CCDC33: variants seen among roughly 807,000 people sequenced by gnomAD.
CCDC33 encodes the protein coiled-coil domain containing 33.
Under a neutral mutation model 91.9 loss-of-function variants are expected in CCDC33, and 94 were observed. The observed-to-expected ratio is 1.02, with a 90% CI of 0.87 to 1.21. CCDC33 has a LOEUF of 1.21. CCDC33 is among the 50% of genes most tolerant of loss of function. The pLI is 0.00. For synonymous variants in CCDC33, 396 were observed against 374.5 expected (o/e 1.06, Z -0.66); for missense variants, 940 against 935.5 (o/e 1.00, Z -0.06).
intron 7 of CCDC33, among the ~76,000 whole-genome samples, chr15:74,278,351 C>G (rs1203778176): frequency 6.6e-6 from 1 of 152,246 alleles, no homozygotes; most frequent in Non-Finnish European, 1.5e-5. Flanking sequence ...TTGTGCTGAC[C>G]TTTTCGAGCA....
Position 74,335,070 on chromosome 15 carries a change from C to T in CCDC33, c.2121C>T (p.Ser707=), listed in dbSNP as rs267604319. Residue 707 remains serine, a synonymous_variant, in exon 18 of 19, where the codon TCC becomes TCT. Coordinates refer to ENST00000398814, the MANE Select transcript of CCDC33 (RefSeq NM_025055.5). ...QEKGFRHPSN[S]IIIEQPSALT... ...AAGGTTTCAGGCACCCCTCGAACTC[C>T]ATCATCATAGAACAGCCTGTGAGTG... is the stretch of plus-strand genomic sequence containing the variant. The T allele has an allele frequency of 1.2e-6, 2 of 1,613,844 alleles. No homozygotes were observed. Among genetic ancestry groups the T allele is most frequent in the Non-Finnish European group, 1.7e-6 (2 of 1,179,738 alleles).
chr15:74,270,454 G>C (rs2076283164), intron 5 of CCDC33, among the ~76,000 whole-genome samples: 2 of 152,162 alleles, frequency 1.3e-5, no homozygotes, highest in Admixed American at 6.5e-5. Context: ...AGAGGGGCTT[G>C]TGGGGTGTCG....
chr15:74,209,679 C>T (rs1009653188), intron 2 of CCDC33: 31 of 527,984 alleles, frequency 5.9e-5, no homozygotes, highest in African/African-American at 4.6e-4. Flanking sequence ...GCTGGACAGT[C>T]GGCTGCATCC....
intron 11 of CCDC33, among the ~76,000 whole-genome samples, chr15:74,305,000 G>A (rs921844252): frequency 6.6e-6 from 1 of 151,540 alleles, no homozygotes. Context: ...AGGGAGTAGT[G>A]CAATGGCGTG....
intron 1 of CCDC33, among the ~76,000 whole-genome samples, chr15:74,208,428 C>T (rs1375576304): frequency 6.6e-6 from 1 of 152,142 alleles, no homozygotes; most frequent in Non-Finnish European, 1.5e-5. Context: ...TTTGTGCTGC[C>T]CTCCTTCCTC....
rs2060432227 is a variant in CCDC33, at chr15:74,331,271, C to G, written c.1746C>G (p.Asn582Lys). The change falls in exon 15 of 19, where the codon AAC (asparagine) becomes AAG (lysine). Residue 582 changes from asparagine to lysine, a missense_variant. By Grantham distance (94) the Asn-to-Lys change is moderately conservative. Transcript: ENST00000398814. ...LQDRSKPPPL[N>K]RQQGKPYTGF... Reference sequence around the variant, plus strand: ...ACAGGAGCAAGCCCCCTCCTCTGAACAGGCAGCAGGGAAAGCCCTACACGG... The same window carrying G: ...ACAGGAGCAAGCCCCCTCCTCTGAAGAGGCAGCAGGGAAAGCCCTACACGG... The G allele has an allele frequency of 3.1e-6, 5 of 1,614,100 alleles. No homozygotes were observed. The highest frequency in any genetic ancestry group is 4.2e-6 in the Non-Finnish European group (5 of 1,179,964).
At chr15:74,298,632 C>T (rs1042638415) in intron 11 of CCDC33, among the ~76,000 whole-genome samples, 2 of 151,734 alleles carry the variant, frequency 1.3e-5, no homozygotes, top group Admixed American at 6.6e-5. Flanking sequence ...ATCCGCCTCC[C>T]GGGTTCAAGA....
upstream of CCDC33, among the ~76,000 whole-genome samples, chr15:74,232,280 A>G (rs564985861): frequency 1.5e-3 from 223 of 152,298 alleles, no homozygotes; most frequent in African/African-American, 5.0e-3. Context: ...ATTCAAATTC[A>G]GGAGCTTGAG....
Position 74,273,013 on chromosome 15 carries a change from G to A in CCDC33, c.759+122G>A, listed in dbSNP as rs147392025. The stretch of plus-strand genomic sequence containing the variant: ...CGAGTAAGAGTTGACTGAATCCCAC[G>A]GCATACCCAGTGCTGTGCTCGCCTG... On this transcript the variant is annotated intron_variant, in intron 7 of 18. Coordinates refer to ENST00000398814, the MANE Select transcript of CCDC33 (RefSeq NM_025055.5). 8.6e-4 allele frequency: 1,118 copies of A among 1,302,284 alleles called. 7 individuals carry two copies. In the African/African-American group the frequency reaches 0.015, roughly 17 times the overall value. The allele number at this position is 1,302,284 out of a possible 1,614,324, so 80.7% of individuals were successfully genotyped here.
chr15:74,272,056 G>A (rs1461155193), intron 6 of CCDC33, among the ~76,000 whole-genome samples: 2 of 152,216 alleles, frequency 1.3e-5, no homozygotes, highest in Non-Finnish European at 2.9e-5. Context: ...AGGGCAGGTG[G>A]TGGGGATGAG....
chr15:74,324,887 C>T (rs941558300), intron 11 of CCDC33, among the ~76,000 whole-genome samples: 16 of 148,714 alleles, frequency 1.1e-4, no homozygotes, highest in Non-Finnish European at 1.8e-4. Context: ...CTCCTTCTCC[C>T]CTCTTCCTCC....
intron 5 of CCDC33, 78 bp from the exon 6 acceptor site, chr15:74,271,625 T>G (rs1437924796): frequency 1.9e-6 from 2 of 1,029,296 alleles, no homozygotes; most frequent in Admixed American, 3.6e-5. Context: ...AAAAAGAGGG[T>G]AGGCAGTCTG....
At chr15:74,237,595 T>A (rs1341985899) in intron 1 of CCDC33, among the ~76,000 whole-genome samples, 1 of 152,202 alleles carries the variant, frequency 6.6e-6, no homozygotes, top group Non-Finnish European at 1.5e-5. Context: ...TGGTTCCTGA[T>A]GTTCTCTGCC....
At chr15:74,278,580 T>TC (rs1035787582) in intron 7 of CCDC33, among the ~76,000 whole-genome samples, 1 of 152,196 alleles carries the variant, frequency 6.6e-6, no homozygotes, top group African/African-American at 2.4e-5. Context: ...ATGCTGGGCC[T>TC]CCCCCTGGAG....
At chr15:74,222,422 C>G (rs1227952591) in intron 2 of CCDC33, among the ~76,000 whole-genome samples, 1 of 152,156 alleles carries the variant, frequency 6.6e-6, no homozygotes, top group African/African-American at 2.4e-5. Context: ...CCTCCCTCCC[C>G]CAGCATTTAC....
intron 7 of CCDC33, among the ~76,000 whole-genome samples, chr15:74,278,918 C>T (rs563888947): frequency 2.2e-4 from 34 of 152,310 alleles, no homozygotes; most frequent in African/African-American, 7.2e-4. Context: ...TGCGGGCACA[C>T]GGAGCCTCTG....
At chr15:74,275,506 T>A (rs944155133) in intron 7 of CCDC33, among the ~76,000 whole-genome samples, 1 of 152,058 alleles carries the variant, frequency 6.6e-6, no homozygotes, top group African/African-American at 2.4e-5. Context: ...ACACACCACA[T>A]CAACTCACGA....
chr15:74,237,616 C>G (rs1417178522), intron 1 of CCDC33, among the ~76,000 whole-genome samples: 2 of 152,190 alleles, frequency 1.3e-5, no homozygotes, highest in Non-Finnish European at 2.9e-5. Flanking sequence ...CACAGCTGCC[C>G]CCCACCCCCT....
rs142904580 is a variant in CCDC33, at chr15:74,278,922, G to T, written c.760-1041G>T. Among the ~76,000 whole-genome samples, 303 of 152,352 alleles carry T rather than the reference G, an allele frequency of 2.0e-3. 2 individuals are homozygous for T. The highest frequency in any genetic ancestry group is 6.8e-3 in the African/African-American group (282 of 41,578). The stretch of plus-strand genomic sequence containing the variant: ...CTGGCCCACACTGCGGGCACACGGA[G>T]CCTCTGTAGTCTGCAGAGATGTCTT... On this transcript the variant is annotated intron_variant, in intron 7 of 18. Transcript: ENST00000398814.
Sources: allele counts gnomAD v4.1 joint callset (sites outside exome capture counted in the v4.1 genomes callset), GRCh38; gene constraint gnomAD v4.1.1; transcripts MANE v1.5; gene names NCBI Gene and HGNC (gene_info 2026-07-23, HGNC 2026-07-21).